The following MITF variants were observed in gnomAD, a reference collection of about 807,000 sequenced individuals.
The protein encoded by MITF is melanocyte inducing transcription factor.
Under a neutral mutation model 60.5 loss-of-function variants are expected in MITF, and 17 were observed. The observed-to-expected ratio is 0.28, with a 90% CI of 0.19 to 0.42. The LOEUF (loss-of-function observed/expected upper bound fraction) is 0.42, where lower values mean the gene tolerates loss of function less well. MITF is among the 10% of genes least tolerant of loss of function. The pLI is 1.00. For synonymous variants in MITF, 260 were observed against 248.5 expected (o/e 1.05, Z -0.43); for missense variants, 622 against 683.5 (o/e 0.91, Z 1.00).
chr3:69,947,058 G>A (rs1451552389), intron 5 of MITF, among the ~76,000 whole-genome samples: 1 of 152,098 alleles, frequency 6.6e-6, no homozygotes, highest in African/African-American at 2.4e-5. Context: ...TTCAACATAG[G>A]TCTATCAATG....
rs1249266285 is a variant in MITF, at chr3:69,965,125, G to A, written c.1458G>A (p.Met486Ile). The A allele has an allele frequency of 3.1e-6, 5 of 1,614,100 alleles. No homozygotes were observed. Among genetic ancestry groups the A allele is most frequent in the Non-Finnish European group, 4.2e-6 (5 of 1,180,020 alleles). ...KMGSKLEDIL[M>I]DDTLSPVGVT... is the part of the protein sequence containing the mutation. ...GATCCAAACTGGAAGACATCCTGAT[G>A]GACGACACCCTTTCTCCCGTCGGTG... Residue 486 changes from methionine (M) to isoleucine (I), a missense_variant, in exon 10 of 10, where the codon ATG (methionine) becomes ATA (isoleucine). Met to Ile is a conservative substitution (Grantham distance 10, BLOSUM62 1). This residue lies in a region of MITF where 224 missense variants were observed against 209.5 expected (regional missense o/e 1.07). Coordinates refer to ENST00000352241, the MANE Select transcript of MITF (RefSeq NM_001354604.2).
At position 69,937,986 on chromosome 3, in the gene MITF, G is replaced by T; in HGVS notation, c.519G>T (p.Pro173=). Residue 173 remains proline (P), a synonymous_variant, in exon 3 of 10, where the codon CCG becomes CCT. Transcript: ENST00000352241. Reference sequence around the variant, plus strand: ...GCGATCATGTCATGCCACCGGTGCCGGGGAGCAGCGCACCCAACAGCCCCA... The same window carrying T: ...GCGATCATGTCATGCCACCGGTGCCTGGGAGCAGCGCACCCAACAGCCCCA... ...QPGDHVMPPV[P]GSSAPNSPMA... 6.2e-7 allele frequency: 1 copy of T among 1,614,118 alleles called. No homozygotes were observed. The highest frequency in any genetic ancestry group is 1.1e-5 in the South Asian group (1 of 91,084).
chr3:69,961,951 T>C (rs962575082), intron 9 of MITF, among the ~76,000 whole-genome samples: 1 of 152,364 alleles, frequency 6.6e-6, no homozygotes, highest in African/African-American at 2.4e-5. Flanking sequence ...CCTTTAGAAC[T>C]TTTGCATATC....
At chr3:69,761,730 G>C (rs1190963003) in intron 1 of MITF, among the ~76,000 whole-genome samples, 1 of 152,224 alleles carries the variant, frequency 6.6e-6, no homozygotes, top group South Asian at 2.1e-4. Context: ...AAAGGAGGTA[G>C]GCTGTGAATC....
chr3:69,828,555 T>C (rs1452524031), intron 1 of MITF, among the ~76,000 whole-genome samples: 1 of 151,940 alleles, frequency 6.6e-6, no homozygotes, highest in Non-Finnish European at 1.5e-5. Flanking sequence ...AATGTTTCTA[T>C]AAGTCTGTGT....
intron 1 of MITF, among the ~76,000 whole-genome samples, chr3:69,873,459 T>C (rs182523659): frequency 4.1e-4 from 62 of 152,148 alleles, no homozygotes; most frequent in African/African-American, 1.5e-3. Context: ...AACGGACTGG[T>C]TGGGGGCAGT....
At chr3:69,890,107 C>G (rs142565093) in intron 2 of MITF, among the ~76,000 whole-genome samples, 2 of 152,172 alleles carry the variant, frequency 1.3e-5, no homozygotes, top group African/African-American at 4.8e-5. Flanking sequence ...TTCCTACTGC[C>G]CGCCACAAAG....
chr3:69,914,159 T>C (rs2065282710), intron 2 of MITF, among the ~76,000 whole-genome samples: 1 of 152,178 alleles, frequency 6.6e-6, no homozygotes, highest in South Asian at 2.1e-4. Context: ...TCTCACTTTG[T>C]CACCCAGGCT....
chr3:69,748,607 A>C (rs1307254338), intron 1 of MITF, among the ~76,000 whole-genome samples: 1 of 152,240 alleles, frequency 6.6e-6, no homozygotes, highest in African/African-American at 2.4e-5. Flanking sequence ...GTCTAAGTGC[A>C]TGCCCTATAG....
chr3:69,807,831 G>A (rs2063034576), intron 1 of MITF, among the ~76,000 whole-genome samples: 1 of 152,104 alleles, frequency 6.6e-6, no homozygotes, highest in African/African-American at 2.4e-5. Flanking sequence ...AGCATAGTTG[G>A]TAACTAAGCT....
At chr3:69,848,549 A>G (rs2063769727) in intron 1 of MITF, among the ~76,000 whole-genome samples, 1 of 152,244 alleles carries the variant, frequency 6.6e-6, no homozygotes, top group Admixed American at 6.5e-5. Context: ...ATGATTACTG[A>G]AAACACAATG....
rs768691700 is a variant in MITF, at chr3:69,936,703, G to A, written c.355-1119G>A. ...TAGTCTACCGTCTCTCACTGGATTG[G>A]TGCCACCTAAAACATTGTTATGCTG... On this transcript the variant is annotated intron_variant, in intron 2 of 9. Transcript: ENST00000352241. 3.7e-6 allele frequency: 6 copies of A among 1,613,370 alleles called. No homozygotes were observed. In the African/African-American group the frequency reaches 4.0e-5, roughly 11 times the overall value.
intron 1 of MITF, among the ~76,000 whole-genome samples, chr3:69,803,823 T>A (rs1252065851): frequency 6.8e-6 from 1 of 147,168 alleles, no homozygotes; most frequent in East Asian, 2.0e-4. Flanking sequence ...TAACTCATGT[T>A]TTTTTTTTTT....
At chr3:69,779,209 C>A (rs937350780) in intron 1 of MITF, among the ~76,000 whole-genome samples, 1 of 152,180 alleles carries the variant, frequency 6.6e-6, no homozygotes, top group Non-Finnish European at 1.5e-5. Flanking sequence ...AAAGAGACAT[C>A]TCAAGGTGTA....
intron 1 of MITF, among the ~76,000 whole-genome samples, chr3:69,751,071 G>T (rs1384835963): frequency 1.3e-5 from 2 of 151,884 alleles, no homozygotes; most frequent in Non-Finnish European, 2.9e-5. Flanking sequence ...TCAAAAAGGG[G>T]TTGTATTTTA....
At chr3:69,916,389 C>G (rs1026274084) in intron 2 of MITF, among the ~76,000 whole-genome samples, 2 of 152,038 alleles carry the variant, frequency 1.3e-5, no homozygotes, top group Non-Finnish European at 2.9e-5. Context: ...GGCTTCAGAA[C>G]CCAGAAGGAA....
intron 1 of MITF, among the ~76,000 whole-genome samples, chr3:69,834,919 T>G (rs551460357): frequency 1.3e-5 from 2 of 151,256 alleles, no homozygotes; most frequent in East Asian, 3.9e-4. Context: ...TTGATTTGCA[T>G]TTACCTGATG....
At chr3:69,845,442 C>CTTT (rs751773040) in intron 1 of MITF, among the ~76,000 whole-genome samples, 166 of 136,820 alleles carry the variant, frequency 1.2e-3, no homozygotes, top group African/African-American at 1.9e-3. Flanking sequence ...TTTTTTCTTT[C>CTTT]TTTTTTTTTT....
At chr3:69,889,892 A>T (rs2064719367) in intron 2 of MITF, among the ~76,000 whole-genome samples, 1 of 152,154 alleles carries the variant, frequency 6.6e-6, no homozygotes, top group Admixed American at 6.6e-5. Flanking sequence ...CTCAGCAGCC[A>T]CACGTGGTCT....
Sources: gnomAD v4.1 joint callset for allele counts (sites outside exome capture counted in the v4.1 genomes callset) on GRCh38, gnomAD v4.1.1 for gene constraint, gnomAD v4.1.1 regional missense constraint, MANE v1.5 for transcripts, NCBI Gene and HGNC (gene_info 2026-07-23, HGNC 2026-07-21) for gene names.